RBM33: variants seen among roughly 807,000 people sequenced by gnomAD.
RBM33 encodes the protein RNA-binding protein 33.
A neutral mutation model predicts 132.6 loss-of-function variants in RBM33; 28 were observed. The ratio of observed to expected loss-of-function variants is 0.21; its 90% CI spans 0.16 to 0.29. The LOEUF (loss-of-function observed/expected upper bound fraction) is 0.29, where lower values mean the gene tolerates loss of function less well. Among genes scored for constraint, RBM33 ranks in the 10% least tolerant of loss-of-function variants. The pLI is 1.00. For missense variants in RBM33, 1,291 were observed against 1,518.5 expected, an observed-to-expected ratio of 0.85 and a Z score of 2.49; for synonymous variants, 634 against 593.0, an observed-to-expected ratio of 1.07 and a Z score of -1.01.
At position 155,766,513 on chromosome 7, in the gene RBM33, G is replaced by T. The variant is rs1019255866; in HGVS notation, c.3233G>T (p.Arg1078Leu). The T allele has an allele frequency of 6.2e-7, 1 of 1,613,196 alleles. No individual in the cohort carries two copies. Among genetic ancestry groups the T allele is most frequent in the African/African-American group, 1.3e-5 (1 of 74,890 alleles). The change falls in exon 16 of 18, where the codon CGG becomes CTG. Residue 1078 changes from arginine to leucine, a missense_variant. Arg to Leu is a moderately radical substitution (Grantham distance 102). Coordinates refer to ENST00000401878, the MANE Select transcript of RBM33 (RefSeq NM_053043.3). ...AGAGGAGTGGCCGGTCCCATGGGCCGGGGGCGCCTGATGCCAAACAAGCAG... is the reference window on the plus strand; with the variant it reads ...AGAGGAGTGGCCGGTCCCATGGGCCTGGGGCGCCTGATGCCAAACAAGCAG... ...RGRGVAGPMG[R>L]GRLMPNKQNL... is the part of the protein sequence containing the mutation.
chr7:155,753,938 T>C (rs1801766185), intron 14 of RBM33, among the ~76,000 whole-genome samples: 1 of 152,222 alleles, frequency 6.6e-6, no homozygotes. Flanking sequence ...TGATAAGACG[T>C]ACAGTCTAGC....
Position 155,738,250 on chromosome 7 carries a change from A to G in RBM33, c.1584A>G (p.Val528=), listed in dbSNP as rs769581075. The G allele has an allele frequency of 6.2e-7, 1 of 1,613,998 alleles. No homozygotes were observed. Among genetic ancestry groups the G allele is most frequent in the Non-Finnish European group, 8.5e-7 (1 of 1,179,884 alleles). ...CAGTGTTCCCAAGAGAGCGGCCCGT[A>G]CGACCAGCCTTGCAGCCTCCAGGTC... is the stretch of plus-strand genomic sequence containing the variant. The part of the protein sequence containing the change: ...QQPVFPRERP[V]RPALQPPGPV... Residue 528 remains valine, a synonymous_variant, in exon 11 of 18, where the codon GTA becomes GTG. Coordinates refer to ENST00000401878, the MANE Select transcript of RBM33 (RefSeq NM_053043.3).
chr7:155,707,105 C>T (rs4716543), intron 7 of RBM33, 37 bp downstream of exon 7: 420,189 of 1,486,588 alleles, frequency 0.28, 61,571 homozygotes, highest in Admixed American at 0.5. Context: ...CCTAGAACTT[C>T]AGAACAAATG....
intron 5 of RBM33, among the ~76,000 whole-genome samples, chr7:155,686,383 C>T (rs1370335091): frequency 1.3e-5 from 2 of 151,976 alleles, no homozygotes; most frequent in South Asian, 2.1e-4. Flanking sequence ...CAGAAGACTG[C>T]GTGGAGATCA....
At chr7:155,770,590 A>G (rs914437014) in intron 16 of RBM33, among the ~76,000 whole-genome samples, 3 of 139,814 alleles carry the variant, frequency 2.1e-5, no homozygotes, top group African/African-American at 7.9e-5. Context: ...AAAGCAGCTG[A>G]TACCTTTTTT....
chr7:155,654,631 TA>T (rs1385169756), intron 1 of RBM33, among the ~76,000 whole-genome samples: 3 of 152,184 alleles, frequency 2.0e-5, no homozygotes, highest in Non-Finnish European at 4.4e-5. Context: ...GACAAAAATG[TA>T]GTTATTCTCA....
intron 14 of RBM33, among the ~76,000 whole-genome samples, chr7:155,763,489 G>T (rs985425184): frequency 9.9e-5 from 15 of 152,244 alleles, no homozygotes; most frequent in Non-Finnish European, 1.5e-5. Flanking sequence ...GTGAAAATGC[G>T]TGTTGGATAT....
intron 12 of RBM33, 23 bp downstream of exon 12, chr7:155,740,049 C>T: frequency 6.7e-7 from 1 of 1,494,316 alleles, no homozygotes; most frequent in Non-Finnish European, 9.0e-7. Context: ...GGGTGTCTTC[C>T]CTGTGTCTTC....
chr7:155,760,984 G>A (rs1472945412), intron 14 of RBM33, among the ~76,000 whole-genome samples: 2 of 152,228 alleles, frequency 1.3e-5, no homozygotes, highest in Non-Finnish European at 2.9e-5. Flanking sequence ...CGTTTCAGGC[G>A]ATGATAATTC....
intron 9 of RBM33, among the ~76,000 whole-genome samples, chr7:155,732,526 G>GC (rs1306927284): frequency 3.3e-5 from 5 of 152,200 alleles, no homozygotes; most frequent in African/African-American, 1.2e-4. Context: ...CGGCTTGTCA[G>GC]CCCATCCGTA....
chr7:155,694,664 A>G (rs1799742714), intron 5 of RBM33, among the ~76,000 whole-genome samples: 3 of 152,214 alleles, frequency 2.0e-5, no homozygotes, highest in Admixed American at 6.5e-5. Flanking sequence ...AACATCACCT[A>G]AATGTAGTCA....
In RBM33 at chr7:155,741,914, G is replaced by T. The variant is rs780253723; in HGVS notation, c.2145G>T (p.Pro715=). The change falls in exon 13 of 18, where the codon CCG becomes CCT. Residue 715 remains proline (P), a synonymous_variant. Coordinates refer to ENST00000401878, the MANE Select transcript of RBM33 (RefSeq NM_053043.3). ...ATTTGCGTGAATTACCCATAGCGCC[G>T]TCACACGTGATAGAAATGAGCAGCA... ...NSNLRELPIA[P]SHVIEMSSSR... The T allele has an allele frequency of 2.0e-5, 33 of 1,613,858 alleles. No homozygotes were observed. The highest frequency in any genetic ancestry group is 2.6e-5 in the Non-Finnish European group (31 of 1,179,904).
intron 1 of RBM33, among the ~76,000 whole-genome samples, chr7:155,660,057 A>G (rs1798598979): frequency 6.6e-6 from 1 of 152,106 alleles, no homozygotes; most frequent in Non-Finnish European, 1.5e-5. Flanking sequence ...TCCGAACTTG[A>G]TTATATCTGT....
intron 5 of RBM33, among the ~76,000 whole-genome samples, chr7:155,688,140 C>T (rs1799530828): frequency 1.3e-5 from 2 of 152,292 alleles, no homozygotes; most frequent in African/African-American, 4.8e-5. Flanking sequence ...CGTGTGTCCT[C>T]TTTTATTTCA....
chr7:155,769,449 G>T (rs1802337874), intron 16 of RBM33, among the ~76,000 whole-genome samples: 1 of 152,212 alleles, frequency 6.6e-6, no homozygotes, highest in Non-Finnish European at 1.5e-5. Flanking sequence ...CCCAGAGGCT[G>T]CTGAGGAGAG....
chr7:155,653,294 C>T (rs1056179996), intron 1 of RBM33, among the ~76,000 whole-genome samples: 1 of 152,202 alleles, frequency 6.6e-6, no homozygotes, highest in Admixed American at 6.5e-5. Context: ...TAACTAATTA[C>T]ATCTGCATAG....
In RBM33 at chr7:155,686,781, C is replaced by A. The variant is rs553809886; in HGVS notation, c.567+5873C>A. ...TGCTGAGAATGATGGTTTCCAGCTT[C>A]ATCCATGTCCCTGCAAAAGACATGA... On this transcript the variant is annotated intron_variant, in intron 5 of 17. Coordinates refer to ENST00000401878, the MANE Select transcript of RBM33 (RefSeq NM_053043.3). Among the ~76,000 whole-genome samples the A allele has an allele frequency of 2.0e-5, 3 of 152,244 alleles. No individual in the cohort carries two copies. The East Asian group carries it at 5.8e-4, about 29-fold the overall frequency.
At chr7:155,653,891 A>T (rs1314917986) in intron 1 of RBM33, among the ~76,000 whole-genome samples, 1 of 152,136 alleles carries the variant, frequency 6.6e-6, no homozygotes, top group Non-Finnish European at 1.5e-5. Context: ...ACCTCATTGC[A>T]GTTGGCATCT....
chr7:155,708,395 A>G (rs1276829145), intron 7 of RBM33, among the ~76,000 whole-genome samples: 1 of 152,118 alleles, frequency 6.6e-6, no homozygotes, highest in East Asian at 1.9e-4. Context: ...TTGAATAGCC[A>G]TTTTGATTAT....
Sources: gnomAD v4.1 joint callset for allele counts (sites outside exome capture counted in the v4.1 genomes callset) on GRCh38, gnomAD v4.1.1 for gene constraint, MANE v1.5 for transcripts, NCBI Gene and HGNC (gene_info 2026-07-23, HGNC 2026-07-21) for gene names.